The following BEND6 variants were observed in gnomAD, a reference collection of about 807,000 sequenced individuals.
BEND6 encodes the protein BEN domain-containing protein 6.
A neutral mutation model predicts 31.8 loss-of-function variants in BEND6; 24 were observed. That is an observed-to-expected ratio of 0.75 (90% CI 0.55 to 1.06). The LOEUF is 1.06. Among genes scored for constraint, BEND6 ranks in the 50% least tolerant of loss-of-function variants. The pLI, the probability that BEND6 is intolerant of heterozygous loss-of-function variation, is 0.00. For missense variants in BEND6, 294 were observed against 327.4 expected (o/e 0.90, Z 0.79); for synonymous variants, 109 against 114.6 (o/e 0.95, Z 0.31).
chr6:56,978,766 T>C (rs1051444691), intron 1 of BEND6, among the ~76,000 whole-genome samples: 3 of 152,206 alleles, frequency 2.0e-5, no homozygotes, highest in Non-Finnish European at 4.4e-5. Flanking sequence ...GGAGCGAAGA[T>C]TGAAATTTTT....
chr6:57,002,054 C>T (rs1243744507), intron 3 of BEND6, among the ~76,000 whole-genome samples: 3 of 151,976 alleles, frequency 2.0e-5, no homozygotes, highest in South Asian at 2.1e-4. Flanking sequence ...GAGCAGGGGT[C>T]GTGATTCTTA....
At position 57,015,242 on chromosome 6, in the gene BEND6, A is replaced by G; in HGVS notation, c.408A>G (p.Thr136=). The G allele has an allele frequency of 1.2e-6, 2 of 1,614,156 alleles. No homozygotes were observed. Among genetic ancestry groups the G allele is most frequent in the African/African-American group, 1.3e-5 (1 of 75,038 alleles). Residue 136 remains threonine (T), a synonymous_variant, in exon 4 of 7, where the codon ACA becomes ACG. Coordinates refer to ENST00000370746, the MANE Select transcript of BEND6 (RefSeq NM_152731.3). The stretch of plus-strand genomic sequence containing the variant: ...CTGCATCCACCCTCTGGAGAGCAAC[A>G]AACAACTCCTCGCCAGATTCATTTG... ...STSASTLWRA[T]NNSSPDSFAS...
intron 1 of BEND6, among the ~76,000 whole-genome samples, chr6:56,971,540 G>A (rs1825688952): frequency 6.6e-6 from 1 of 152,094 alleles, no homozygotes; most frequent in Non-Finnish European, 1.5e-5. Context: ...TTTCTAGAAG[G>A]TTCCGTGCTG....
chr6:57,024,022 T>C (rs1398636933), intron 6 of BEND6, among the ~76,000 whole-genome samples: 1 of 152,318 alleles, frequency 6.6e-6, no homozygotes, highest in African/African-American at 2.4e-5. Context: ...ACATAAGAAG[T>C]TGTTTTTAAA....
At chr6:56,979,812 A>C (rs1296417348) in intron 1 of BEND6, among the ~76,000 whole-genome samples, 1 of 152,192 alleles carries the variant, frequency 6.6e-6, no homozygotes, top group Non-Finnish European at 1.5e-5. Context: ...TTTGCAGAAA[A>C]AGTTTGTCAA....
intron 2 of BEND6, among the ~76,000 whole-genome samples, chr6:56,991,185 G>T (rs956113297): frequency 2.0e-5 from 3 of 152,056 alleles, no homozygotes; most frequent in Non-Finnish European, 4.4e-5. Flanking sequence ...CATTAATTTA[G>T]ATTATCTTTG....
At chr6:57,014,984 C>T (rs944958294) in intron 3 of BEND6, 149 bp from the exon 4 acceptor site, 3 of 569,948 alleles carry the variant, frequency 5.3e-6, no homozygotes, top group Non-Finnish European at 9.0e-6. Context: ...ATGTTCCAAA[C>T]ACCTTTCCTG....
intron 6 of BEND6, among the ~76,000 whole-genome samples, chr6:57,024,581 G>T (rs1180780581): frequency 6.6e-6 from 1 of 152,060 alleles, no homozygotes; most frequent in Non-Finnish European, 1.5e-5. Flanking sequence ...CTATTGCCAG[G>T]TGAATTTGAA....
chr6:56,982,298 C>G (rs1019850286), intron 2 of BEND6, among the ~76,000 whole-genome samples: 7 of 152,158 alleles, frequency 4.6e-5, no homozygotes, highest in Admixed American at 3.9e-4. Flanking sequence ...TCAAACTTTC[C>G]TTAATAGTCT....
intron 1 of BEND6, among the ~76,000 whole-genome samples, chr6:56,958,702 G>A (rs1466180723): frequency 6.6e-6 from 1 of 152,148 alleles, no homozygotes; most frequent in African/African-American, 2.4e-5. Flanking sequence ...CTTTGGAGAC[G>A]GCTTCCATTT....
At chr6:56,991,621 A>G (rs1826504454) in intron 2 of BEND6, among the ~76,000 whole-genome samples, 1 of 152,132 alleles carries the variant, frequency 6.6e-6, no homozygotes, top group Non-Finnish European at 1.5e-5. Context: ...TTGGTCTCCC[A>G]AAGTGCTGGG....
intron 3 of BEND6, among the ~76,000 whole-genome samples, chr6:57,002,114 G>C (rs1392136066): frequency 6.6e-6 from 1 of 152,186 alleles, no homozygotes; most frequent in Non-Finnish European, 1.5e-5. Context: ...AAAGGGCAAA[G>C]TGGAGCATTA....
chr6:56,962,105 C>T (rs574638698), intron 1 of BEND6, among the ~76,000 whole-genome samples: 1 of 152,128 alleles, frequency 6.6e-6, no homozygotes, highest in Non-Finnish European at 1.5e-5. Flanking sequence ...AGAGCTAGTT[C>T]AGCCTCCTCT....
At chr6:57,008,542 T>C (rs1827240291) in intron 3 of BEND6, 1 of 302,120 alleles carries the variant, frequency 3.3e-6, no homozygotes, top group Admixed American at 5.0e-5. Context: ...CACTGCAGCC[T>C]GGGTGACAGA....
At chr6:56,972,171 C>T (rs574052574) in intron 1 of BEND6, among the ~76,000 whole-genome samples, 3 of 148,466 alleles carry the variant, frequency 2.0e-5, no homozygotes, top group South Asian at 4.3e-4. Flanking sequence ...CTCAGCTCAC[C>T]GCAACCTCCC....
intron 2 of BEND6, among the ~76,000 whole-genome samples, chr6:56,991,206 G>A (rs546398776): frequency 7.5e-4 from 114 of 152,232 alleles, no homozygotes; most frequent in African/African-American, 2.7e-3. Context: ...GTAGCTTTCA[G>A]TCAAGTTTGT....
intron 1 of BEND6, among the ~76,000 whole-genome samples, chr6:56,968,012 T>C (rs1364732151): frequency 6.6e-6 from 1 of 152,170 alleles, no homozygotes; most frequent in African/African-American, 2.4e-5. Flanking sequence ...ATTCAGTAAA[T>C]GTTAGCTATG....
intron 1 of BEND6, among the ~76,000 whole-genome samples, chr6:56,972,086 C>CTGTCTTTT (rs1825708870): frequency 4.8e-5 from 3 of 62,530 alleles, no homozygotes; most frequent in Non-Finnish European, 2.8e-5. Context: ...ACTTTACTTT[C>CTGTCTTTT]TTTTTTTTTT....
Position 57,023,180 on chromosome 6 carries a change from A to G in BEND6, c.*10-2902A>G, listed in dbSNP as rs113601728. 5.3e-4 allele frequency among the ~76,000 whole-genome samples: 81 copies of G among 152,068 alleles called. 1 individual carries two copies. Among genetic ancestry groups the G allele is most frequent in the African/African-American group, 1.8e-3 (73 of 41,490 alleles). Reference sequence around the variant, plus strand: ...CTTTAACTCCAGTGTTTCCTTGTCAATTTTCTGTCTGGAGGATCTGTCCAT... The same window carrying G: ...CTTTAACTCCAGTGTTTCCTTGTCAGTTTTCTGTCTGGAGGATCTGTCCAT... On this transcript the variant is annotated intron_variant, in intron 6 of 6. Coordinates refer to ENST00000370746, the MANE Select transcript of BEND6 (RefSeq NM_152731.3).
Sources: gnomAD v4.1 joint callset for allele counts (sites outside exome capture counted in the v4.1 genomes callset) on GRCh38, gnomAD v4.1.1 for gene constraint, MANE v1.5 for transcripts, NCBI Gene and HGNC (gene_info 2026-07-23, HGNC 2026-07-21) for gene names.